The following ZFYVE28 variants were observed in gnomAD, a reference collection of about 807,000 sequenced individuals.
ZFYVE28 encodes the protein lateral signaling target protein 2 homolog.
In ZFYVE28, 40 loss-of-function variants were observed where a neutral mutation model predicts 82.1. That is an observed-to-expected ratio of 0.49 (90% CI 0.38 to 0.63). The LOEUF (loss-of-function observed/expected upper bound fraction) is 0.63, where lower values mean the gene tolerates loss of function less well. ZFYVE28 is among the 30% of genes least tolerant of loss of function. ZFYVE28 has a pLI of 0.00. For missense variants in ZFYVE28, 1,321 were observed against 1,242.1 expected (o/e 1.06, Z -0.96); for synonymous variants, 612 against 546.1 (o/e 1.12, Z -1.68).
At chr4:2,401,254 C>T (rs1002212968) in intron 1 of ZFYVE28, among the ~76,000 whole-genome samples, 8 of 152,218 alleles carry the variant, frequency 5.3e-5, no homozygotes, top group African/African-American at 1.2e-4. Flanking sequence ...ACAGCTCACA[C>T]GCAACGACAC....
At chr4:2,366,376 G>A (rs559278470) in intron 1 of ZFYVE28, among the ~76,000 whole-genome samples, 2 of 152,302 alleles carry the variant, frequency 1.3e-5, no homozygotes, top group African/African-American at 4.8e-5. Context: ...TTTCCCAGAT[G>A]GTCTGGTAAA....
At chr4:2,302,069 G>C (rs947028472) in intron 8 of ZFYVE28, among the ~76,000 whole-genome samples, 6 of 152,216 alleles carry the variant, frequency 3.9e-5, no homozygotes, top group Non-Finnish European at 8.8e-5. Flanking sequence ...GGAGCGGCTC[G>C]GGCAGAAGGC....
chr4:2,328,398 G>A (rs1408151939), intron 6 of ZFYVE28: 2 of 152,126 alleles, frequency 1.3e-5, no homozygotes, highest in African/African-American at 4.8e-5. Flanking sequence ...AGAGGCTGGG[G>A]GTGTGGGGAA....
chr4:2,337,340 C>A (rs986765387), intron 5 of ZFYVE28, 67 bp downstream of exon 5: 8 of 1,438,174 alleles, frequency 5.6e-6, no homozygotes, highest in Non-Finnish European at 7.6e-6. Context: ...GCCCTCTGCC[C>A]CGGGCCTGGA....
At chr4:2,287,639 T>A (rs991465572) in intron 8 of ZFYVE28, 27 of 152,244 alleles carry the variant, frequency 1.8e-4, no homozygotes, top group Admixed American at 1.8e-3. Context: ...CCAGCAGACA[T>A]CACAGATTTC....
At chr4:2,337,289 A>G (rs561707416) in intron 5 of ZFYVE28, 118 bp downstream of exon 5, 2 of 853,362 alleles carry the variant, frequency 2.3e-6, no homozygotes, top group African/African-American at 3.4e-5. Context: ...GGTGCCTTCC[A>G]TCTGGGGCAC....
intron 7 of ZFYVE28, among the ~76,000 whole-genome samples, chr4:2,311,427 G>A (rs1248488310): frequency 6.6e-6 from 1 of 152,136 alleles, no homozygotes; most frequent in Non-Finnish European, 1.5e-5. Context: ...TTGGGAGGCT[G>A]AGGCAGAAGA....
intron 1 of ZFYVE28, among the ~76,000 whole-genome samples, chr4:2,355,640 T>A (rs1293380652): frequency 3.3e-5 from 5 of 151,934 alleles, no homozygotes; most frequent in Non-Finnish European, 5.9e-5. Flanking sequence ...TACAGTGGCA[T>A]GAGCATGGCT....
At chr4:2,276,611 G>T (rs11728378) in intron 8 of ZFYVE28, among the ~76,000 whole-genome samples, 39 of 152,212 alleles carry the variant, frequency 2.6e-4, no homozygotes, top group Admixed American at 2.0e-3. Flanking sequence ...CCATACAACA[G>T]AATATTATTC....
At chr4:2,293,900 A>C (rs1185290742) in intron 8 of ZFYVE28, among the ~76,000 whole-genome samples, 1 of 152,154 alleles carries the variant, frequency 6.6e-6, no homozygotes, top group Non-Finnish European at 1.5e-5. Flanking sequence ...TCATCTGACA[A>C]AAGATGTGCA....
chr4:2,353,409 G>A (rs1043468439), intron 2 of ZFYVE28, among the ~76,000 whole-genome samples: 3 of 152,164 alleles, frequency 2.0e-5, no homozygotes, highest in African/African-American at 4.8e-5. Context: ...AAAACCCCTC[G>A]TCATCACTTG....
chr4:2,336,151 G>A (rs1018983572), intron 5 of ZFYVE28, among the ~76,000 whole-genome samples: 7 of 152,146 alleles, frequency 4.6e-5, no homozygotes, highest in African/African-American at 1.7e-4. Context: ...CCAGGAGACC[G>A]AAACAACTCC....
intron 8 of ZFYVE28, 106 bp from the exon 9 acceptor site, chr4:2,274,322 A>C (rs1577851364): frequency 1.5e-6 from 2 of 1,363,954 alleles, no homozygotes; most frequent in Non-Finnish European, 2.0e-6. Context: ...GCAGACGCTC[A>C]CCCCACAGGC....
chr4:2,406,265 G>A (rs904358631), intron 1 of ZFYVE28, among the ~76,000 whole-genome samples: 3 of 150,586 alleles, frequency 2.0e-5, no homozygotes, highest in Admixed American at 6.6e-5. Context: ...CCAGCTACTC[G>A]AGAGGCTGAG....
Position 2,341,158 on chromosome 4 carries a change from G to T in ZFYVE28, c.318+320C>A, listed in dbSNP as rs934134783. On this transcript the variant is annotated intron_variant, in intron 3 of 12. Coordinates refer to ENST00000290974, the MANE Select transcript of ZFYVE28 (RefSeq NM_020972.3). This position sits in a 1 kb window ranked among gnomAD's most constrained non-coding sequence, Gnocchi z 4.5. ...GCTGCAGGGCCGGAGGGGAACACTT[G>T]TTCCTGATGTGGGCATTACTGCCAT... Among the ~76,000 whole-genome samples, 2 of 152,170 alleles carry T rather than the reference G, an allele frequency of 1.3e-5. No homozygotes were observed. Among genetic ancestry groups the T allele is most frequent in the African/African-American group, 4.8e-5 (2 of 41,444 alleles).
At chr4:2,410,772 G>A (rs2108686752) in intron 1 of ZFYVE28, among the ~76,000 whole-genome samples, 1 of 152,296 alleles carries the variant, frequency 6.6e-6, no homozygotes, top group East Asian at 1.9e-4. Context: ...TGGGATTACA[G>A]GTGTGAGCCA....
chr4:2,368,421 G>GT (rs35575313), intron 1 of ZFYVE28, among the ~76,000 whole-genome samples: 101,167 of 151,728 alleles, frequency 0.67, 34,081 homozygotes, highest in East Asian at 0.8. Flanking sequence ...CGATTCAGCA[G>GT]TTTTAGGGTA....
Position 2,274,074 on chromosome 4 carries a change from C to G in ZFYVE28, c.2194G>C (p.Val732Leu). The G allele has an allele frequency of 3.1e-6, 5 of 1,613,968 alleles. No individual in the cohort carries two copies. Among genetic ancestry groups the G allele is most frequent in the Non-Finnish European group, 4.2e-6 (5 of 1,179,958 alleles). Residue 732 changes from valine to leucine, a missense_variant, in exon 9 of 13, where the codon GTC (valine) becomes CTC (leucine). By Grantham distance (32) the Val-to-Leu change is conservative. Transcript: ENST00000290974. The part of the protein sequence containing the change: ...GSHDLIHRLF[V>L]CISGVADQLQ... ...CCTGACATGACACCTGAAATGCAGA[C>G]GAACAGGCGGTGGATGAGGTCGTGG...
chr4:2,364,129 T>G (rs1375872359), intron 1 of ZFYVE28, among the ~76,000 whole-genome samples: 1 of 152,204 alleles, frequency 6.6e-6, no homozygotes, highest in Non-Finnish European at 1.5e-5. Context: ...CCAGGCTCAC[T>G]GTGGCCTTCT....
Sources: allele counts gnomAD v4.1 joint callset (sites outside exome capture counted in the v4.1 genomes callset), GRCh38; gene constraint gnomAD v4.1.1; non-coding constraint Gnocchi (gnomAD v3.1); transcripts MANE v1.5; gene names NCBI Gene and HGNC (gene_info 2026-07-23, HGNC 2026-07-21).